The following INTU variants were observed in gnomAD, a reference collection of about 807,000 sequenced individuals.
INTU encodes the protein inturned planar cell polarity protein, also known as protein inturned.
A neutral mutation model predicts 100.5 loss-of-function variants in INTU; 68 were observed. That is an observed-to-expected ratio of 0.68 (90% CI 0.56 to 0.83). INTU has a LOEUF of 0.83. Ranked by LOEUF, INTU falls within the 40% of genes least tolerant of loss-of-function variation. The probability of loss-of-function intolerance (pLI) is 0.00; values close to 1 mark genes in which losing one functional copy is unlikely to be tolerated. For synonymous variants in INTU, 357 were observed against 395.7 expected, an observed-to-expected ratio of 0.90 and a Z score of 1.16; for missense variants, 1,071 against 1,114.7, an observed-to-expected ratio of 0.96 and a Z score of 0.56.
chr4:127,655,513 G>A (rs1296638749), intron 2 of INTU, among the ~76,000 whole-genome samples: 3 of 151,534 alleles, frequency 2.0e-5, no homozygotes, highest in South Asian at 2.1e-4. Context: ...CTGCTGGGGG[G>A]TGCCTCCCAG....
chr4:127,641,971 G>A (rs1043554889), intron 1 of INTU, among the ~76,000 whole-genome samples: 1 of 152,034 alleles, frequency 6.6e-6, no homozygotes, highest in Non-Finnish European at 1.5e-5. Context: ...GGTTAAAAGG[G>A]TGAGATAATA....
At chr4:127,670,063 C>A (rs1042405270) in intron 5 of INTU, among the ~76,000 whole-genome samples, 2 of 151,900 alleles carry the variant, frequency 1.3e-5, no homozygotes, top group East Asian at 1.9e-4. Flanking sequence ...GAGTCAAATA[C>A]CCATTCCATT....
At chr4:127,713,347 G>A (rs1731157295) in intron 14 of INTU, among the ~76,000 whole-genome samples, 1 of 151,952 alleles carries the variant, frequency 6.6e-6, no homozygotes. Context: ...GGAAAGAAAA[G>A]GATCAAGGAT....
intron 12 of INTU, among the ~76,000 whole-genome samples, chr4:127,707,438 A>G (rs1730935874): frequency 6.6e-6 from 1 of 151,366 alleles, no homozygotes; most frequent in South Asian, 2.1e-4. Context: ...ATAATAAGAT[A>G]AGAACCCCTT....
intron 2 of INTU, among the ~76,000 whole-genome samples, chr4:127,645,221 G>A (rs929534700): frequency 6.6e-5 from 10 of 152,264 alleles, no homozygotes; most frequent in East Asian, 1.9e-4. Flanking sequence ...TGGGTGGGCC[G>A]GTGACTACAG....
intron 9 of INTU, 88 bp downstream of exon 9, chr4:127,700,151 TATA>T: frequency 9.2e-7 from 1 of 1,087,656 alleles, no homozygotes; most frequent in Admixed American, 2.2e-5. Flanking sequence ...CAAGTGGATA[TATA>T]ATAATCTTGA....
chr4:127,678,365 C>A (rs1729339723), intron 6 of INTU, among the ~76,000 whole-genome samples: 1 of 152,186 alleles, frequency 6.6e-6, no homozygotes, highest in African/African-American at 2.4e-5. Context: ...GTTCGGGTTA[C>A]CCACAAAGGG....
At chr4:127,645,284 T>G (rs1371310538) in intron 2 of INTU, among the ~76,000 whole-genome samples, 3 of 152,192 alleles carry the variant, frequency 2.0e-5, no homozygotes, top group African/African-American at 4.8e-5. Context: ...GTGATGCAGC[T>G]TCTGCCTGGT....
chr4:127,642,889 A>G (rs1036296262), intron 1 of INTU, among the ~76,000 whole-genome samples: 5 of 150,946 alleles, frequency 3.3e-5, no homozygotes, highest in Non-Finnish European at 7.4e-5. Context: ...AAGGAGTTTT[A>G]TGGAAATTAT....
At chr4:127,655,911 G>T (rs1167692381) in intron 2 of INTU, among the ~76,000 whole-genome samples, 6 of 152,238 alleles carry the variant, frequency 3.9e-5, no homozygotes, top group Admixed American at 6.5e-5. Flanking sequence ...CCAGGTGCGG[G>T]ATATAATCTC....
At chr4:127,637,097 T>C (rs1386184853) in intron 1 of INTU, among the ~76,000 whole-genome samples, 1 of 152,230 alleles carries the variant, frequency 6.6e-6, no homozygotes, top group Non-Finnish European at 1.5e-5. Context: ...CCAGTACTAT[T>C]GACTTCCTTC....
At chr4:127,644,568 G>T (rs1372567176) in intron 2 of INTU, among the ~76,000 whole-genome samples, 2 of 152,218 alleles carry the variant, frequency 1.3e-5, no homozygotes, top group Non-Finnish European at 1.5e-5. Flanking sequence ...AAGGGCGTGT[G>T]TCATAAAATA....
chr4:127,710,704 A>G lies in INTU; in HGVS notation c.2370-209A>G, dbSNP rs17379648. On this transcript the variant is annotated intron_variant, in intron 13 of 15. Transcript: ENST00000335251. ...TGCATAACATGTAGTATTTGCCTCC[A>G]TTAAGGGAATTAATAACCCTAGCTT... Among the ~76,000 whole-genome samples, 5,490 of 152,290 alleles carry G rather than the reference A, an allele frequency of 0.036. 172 individuals carry two copies. The highest frequency in any genetic ancestry group is 0.052 in the Non-Finnish European group (3,560 of 68,006).
intron 2 of INTU, among the ~76,000 whole-genome samples, chr4:127,647,485 T>C (rs1023237000): frequency 6.6e-6 from 1 of 152,196 alleles, no homozygotes; most frequent in African/African-American, 2.4e-5. Context: ...CTTCCTCCTA[T>C]AAAGACCTTT....
chr4:127,697,129 A>G (rs1730427078), intron 8 of INTU, among the ~76,000 whole-genome samples: 1 of 152,194 alleles, frequency 6.6e-6, no homozygotes, highest in African/African-American at 2.4e-5. Flanking sequence ...TAATGGCTTC[A>G]TTGAGATATT....
At chr4:127,640,590 T>TATATATATAC (rs1727284276) in intron 1 of INTU, among the ~76,000 whole-genome samples, 1 of 23,958 alleles carries the variant, frequency 4.2e-5, no homozygotes, top group Admixed American at 5.1e-4. Context: ...TATATATATA[T>TATATATATAC]ACATATACAT....
chr4:127,711,528 C>G lies in INTU; in HGVS notation c.2559+426C>G, dbSNP rs765216619. ...GATTAAGGCAGGGGTCCCCAACCCCCCTGGGCCACATACCAGTAGCTCTCT... is the reference window on the plus strand; with the variant it reads ...GATTAAGGCAGGGGTCCCCAACCCCGCTGGGCCACATACCAGTAGCTCTCT... On this transcript the variant is annotated intron_variant, in intron 14 of 15. Transcript: ENST00000335251. Among the ~76,000 whole-genome samples, 104 of 152,156 alleles carry G rather than the reference C, an allele frequency of 6.8e-4. 1 individual carries two copies. Among genetic ancestry groups the G allele is most frequent in the Non-Finnish European group, 1.1e-3 (72 of 68,034 alleles).
At chr4:127,646,313 A>G (rs1727586508) in intron 2 of INTU, among the ~76,000 whole-genome samples, 1 of 152,162 alleles carries the variant, frequency 6.6e-6, no homozygotes. Flanking sequence ...GGATAGAACT[A>G]AATATCTCTA....
At chr4:127,690,776 A>G (rs1730081791) in intron 8 of INTU, among the ~76,000 whole-genome samples, 2 of 152,160 alleles carry the variant, frequency 1.3e-5, no homozygotes, top group South Asian at 4.1e-4. Flanking sequence ...ATACATGCAT[A>G]GCCTCTCCAT....
Sources: allele counts gnomAD v4.1 joint callset (sites outside exome capture counted in the v4.1 genomes callset), GRCh38; gene constraint gnomAD v4.1.1; transcripts MANE v1.5; gene names NCBI Gene and HGNC (gene_info 2026-07-23, HGNC 2026-07-21).